Variants in RYR2 observed in about 807,000 individuals in gnomAD.
The protein encoded by RYR2 is ryanodine receptor 2, also known as cardiac muscle ryanodine receptor-calcium release channel.
In RYR2, 227 loss-of-function variants were observed where a neutral mutation model predicts 601.1. The observed-to-expected ratio is 0.38, with a 90% CI of 0.34 to 0.42. RYR2 has a LOEUF of 0.42. Among genes scored for constraint, RYR2 ranks in the 10% least tolerant of loss-of-function variants. The pLI, the probability that RYR2 is intolerant of heterozygous loss-of-function variation, is 1.00. For synonymous variants in RYR2, 2,223 were observed against 2,175.1 expected (o/e 1.02, Z -0.61); for missense variants, 4,646 against 6,156.5 (o/e 0.75, Z 8.21).
intron 1 of RYR2, among the ~76,000 whole-genome samples, chr1:237,241,980 G>A (rs548723250): frequency 6.6e-6 from 1 of 152,154 alleles, no homozygotes; most frequent in Non-Finnish European, 1.5e-5. Context: ...GCAGGGTCTT[G>A]TGACCTGTGT....
At chr1:237,792,366 T>TGTGTGTGTGTGTGTGTGC (rs1658499478) in intron 94 of RYR2, 43 bp downstream of exon 94, 1 of 782,890 alleles carries the variant, frequency 1.3e-6, no homozygotes, top group African/African-American at 2.4e-5. Flanking sequence ...TGTGTGTGTG[T>TGTGTGTGTGTGTGTGTGC]GTGTGTGTGT....
chr1:237,492,870 A>AGGAC (rs1558912518), intron 18 of RYR2, 84 bp from the exon 19 acceptor site: 1 of 1,279,964 alleles, frequency 7.8e-7, no homozygotes, highest in Non-Finnish European at 1.0e-6. Flanking sequence ...GAAGGAAGGA[A>AGGAC]GAAGGGAAGG....
intron 100 of RYR2, among the ~76,000 whole-genome samples, chr1:237,816,424 G>A (rs937753982): frequency 5.3e-5 from 8 of 152,266 alleles, no homozygotes; most frequent in African/African-American, 1.7e-4. Flanking sequence ...GTGACTCAAC[G>A]CCAGTAATCC....
rs1235181059 is a variant in RYR2 at position 237,590,798 on chromosome 1, C to G, written c.3966C>G (p.Leu1322=). ...EVFSKTVAGG[L]PGAGLFGPKN... ...TCTCCAAGACGGTGGCTGGAGGGCT[C>G]CCTGGGGCTGGCCTTTTTGGGCCCA... Residue 1322 remains leucine, a synonymous_variant, in exon 31 of 105, where the codon CTC becomes CTG. Coordinates refer to ENST00000366574, the MANE Select transcript of RYR2 (RefSeq NM_001035.3). 1 of 1,613,820 alleles carries G rather than the reference C, an allele frequency of 6.2e-7. No homozygotes were observed. Among genetic ancestry groups the G allele is most frequent in the Non-Finnish European group, 8.5e-7 (1 of 1,179,838 alleles).
At chr1:237,478,999 G>T (rs756048019) in intron 17 of RYR2, among the ~76,000 whole-genome samples, 6 of 152,226 alleles carry the variant, frequency 3.9e-5, no homozygotes, top group Non-Finnish European at 7.3e-5. Flanking sequence ...CAGTGAAAGT[G>T]AAAGTGTTTT....
chr1:237,100,362 C>G (rs1179381746), intron 1 of RYR2, among the ~76,000 whole-genome samples: 1 of 151,310 alleles, frequency 6.6e-6, no homozygotes, highest in African/African-American at 2.4e-5. Flanking sequence ...CTTCTTCTTC[C>G]TCTTCCTCTT....
chr1:237,685,077 A>G (rs769895598), intron 62 of RYR2, among the ~76,000 whole-genome samples: 17 of 152,168 alleles, frequency 1.1e-4, no homozygotes, highest in Non-Finnish European at 2.2e-4. Flanking sequence ...GTGAGCTGCA[A>G]AGGAGTGTTT....
intron 43 of RYR2, among the ~76,000 whole-genome samples, chr1:237,634,583 T>TC (rs1680677188): frequency 6.6e-6 from 1 of 152,168 alleles, no homozygotes; most frequent in Non-Finnish European, 1.5e-5. Flanking sequence ...TTCTTGAAAA[T>TC]CGCTGCCAGA....
intron 1 of RYR2, among the ~76,000 whole-genome samples, chr1:237,214,704 A>G (rs1682973922): frequency 6.6e-6 from 1 of 152,184 alleles, no homozygotes; most frequent in African/African-American, 2.4e-5. Context: ...AATTACCATA[A>G]CTTTAGATTT....
rs1263015200 is a variant in RYR2, at chr1:237,808,797, C to G, written c.14299-104C>G. On this transcript the variant is annotated intron_variant, in intron 99 of 104. Coordinates refer to ENST00000366574, the MANE Select transcript of RYR2 (RefSeq NM_001035.3). ...ATGGATCCCATTAGCTTCTAGTAAA[C>G]ACGGCTGTGTTCTCACTAGAGCACT... The G allele has an allele frequency of 2.9e-6, 3 of 1,031,270 alleles. No homozygotes were observed. The African/African-American group carries it at 4.8e-5, about 16-fold the overall frequency. 63.9% of individuals were successfully genotyped at this position (1,031,270 alleles called of 1,614,324 possible).
At position 237,593,630 on chromosome 1, in the gene RYR2, A is replaced by C. The variant is rs1461139776; in HGVS notation, c.4430A>C (p.His1477Pro). The C allele has an allele frequency of 1.2e-6, 2 of 1,613,802 alleles. No individual in the cohort carries two copies. The highest frequency in any genetic ancestry group is 1.7e-6 in the Non-Finnish European group (2 of 1,179,766). Residue 1477 changes from histidine (H) to proline (P), a missense_variant, in exon 33 of 105, where the codon CAT (histidine) becomes CCT (proline). His to Pro is a moderately conservative substitution (Grantham distance 77). This residue lies in a region of RYR2 where 1,807 missense variants were observed against 2,088.1 expected (regional missense o/e 0.87). Transcript: ENST00000366574. ...VTLGDEKGKV[H>P]ESIKRSNCYM... ...CTAGGAGATGAAAAAGGAAAAGTGC[A>C]TGAAAGGTTAGTTTTCCTCAATTTT...
chr1:237,506,739 A>G lies in RYR2; in HGVS notation c.2643A>G (p.Ile881Met). The change falls in exon 23 of 105, where the codon ATA becomes ATG. Residue 881 changes from isoleucine to methionine, a missense_variant. Physicochemically the swap from Ile to Met is conservative, Grantham distance 10 (BLOSUM62 1). Around this residue, in one of 17 missense-constraint regions of RYR2, gnomAD observed 1,807 missense variants for 2,088.1 expected, o/e 0.87. Coordinates refer to ENST00000366574, the MANE Select transcript of RYR2 (RefSeq NM_001035.3). Reference protein sequence around the residue: ...QIVLPPHLERIREKLAENIHE... With the variant: ...QIVLPPHLERMREKLAENIHE... ...TGTTGCCTCCTCATCTAGAAAGAAT[A>G]AGAGAAAAACTGGCAGAGAATATCC... 6.2e-7 allele frequency: 1 copy of G among 1,613,614 alleles called. No homozygotes were observed. Among genetic ancestry groups the G allele is most frequent in the Non-Finnish European group, 8.5e-7 (1 of 1,179,732 alleles).
intron 35 of RYR2, among the ~76,000 whole-genome samples, chr1:237,608,113 A>G (rs539439912): frequency 6.6e-6 from 1 of 152,274 alleles, no homozygotes; most frequent in East Asian, 1.9e-4. Context: ...TTGAGTGTGA[A>G]TGGAATATTT....
At chr1:237,801,942 GA>G in intron 98 of RYR2, 26 bp downstream of exon 98, 1 of 1,417,264 alleles carries the variant, frequency 7.1e-7, no homozygotes, top group Non-Finnish European at 9.9e-7. Context: ...TATCACAAAA[GA>G]AAATGCACTC....
chr1:237,394,606 T>C (rs1235077022), intron 10 of RYR2, among the ~76,000 whole-genome samples: 1 of 152,220 alleles, frequency 6.6e-6, no homozygotes, highest in East Asian at 1.9e-4. Flanking sequence ...GAAACGCTTA[T>C]AATTTCACTC....
chr1:237,826,016 C>T (rs759060051), intron 101 of RYR2, among the ~76,000 whole-genome samples: 10 of 152,150 alleles, frequency 6.6e-5, no homozygotes, highest in Non-Finnish European at 1.2e-4. Flanking sequence ...CAGGAAAGAA[C>T]AGATGCTGGA....
At position 237,068,164 on chromosome 1, in the gene RYR2, G is replaced by A. The variant is rs180677109; in HGVS notation, c.48+25595G>A. Among the ~76,000 whole-genome samples, 410 of 150,296 alleles carry A rather than the reference G, an allele frequency of 2.7e-3. 1 individual carries two copies. Among genetic ancestry groups the A allele is most frequent in the African/African-American group, 9.1e-3 (372 of 40,890 alleles). ...CCCATTTTCCTCAAAGAAACAAAACGTTTCGTTGTTTTTTAAAAAAACACT... is the reference window on the plus strand; with the variant it reads ...CCCATTTTCCTCAAAGAAACAAAACATTTCGTTGTTTTTTAAAAAAACACT... On this transcript the variant is annotated intron_variant, in intron 1 of 104. Coordinates refer to ENST00000366574, the MANE Select transcript of RYR2 (RefSeq NM_001035.3).
chr1:237,826,309 A>G (rs1663080035), intron 101 of RYR2, among the ~76,000 whole-genome samples: 2 of 152,186 alleles, frequency 1.3e-5, no homozygotes, highest in Non-Finnish European at 2.9e-5. Context: ...AGTGCCACGT[A>G]TGTACCATGG....
intron 48 of RYR2, among the ~76,000 whole-genome samples, chr1:237,647,332 T>C (rs143777276): frequency 8.5e-5 from 13 of 152,306 alleles, no homozygotes; most frequent in Non-Finnish European, 1.9e-4. Flanking sequence ...AGTTGGGTTG[T>C]GGGAATTGTG....
Sources: gnomAD v4.1 joint callset for allele counts (sites outside exome capture counted in the v4.1 genomes callset) on GRCh38, gnomAD v4.1.1 for gene constraint, gnomAD v4.1.1 regional missense constraint, MANE v1.5 for transcripts, NCBI Gene and HGNC (gene_info 2026-07-23, HGNC 2026-07-21) for gene names.